The following NR5A2 variants were observed in gnomAD, a reference collection of about 807,000 sequenced individuals.
The protein encoded by NR5A2 is nuclear receptor subfamily 5 group A member 2.
Under a neutral mutation model 62.7 loss-of-function variants are expected in NR5A2, and 26 were observed. That is an observed-to-expected ratio of 0.41 (90% CI 0.30 to 0.58). The LOEUF is 0.58. Ranked by LOEUF, NR5A2 falls within the 20% of genes least tolerant of loss-of-function variation. The pLI, the probability that NR5A2 is intolerant of heterozygous loss-of-function variation, is 0.22. For synonymous variants in NR5A2, 246 were observed against 241.7 expected (o/e 1.02, Z -0.16); for missense variants, 541 against 669.1 (o/e 0.81, Z 2.11).
At chr1:200,098,010 C>A (rs1313450702) in intron 5 of NR5A2, among the ~76,000 whole-genome samples, 1 of 152,092 alleles carries the variant, frequency 6.6e-6, no homozygotes, top group Non-Finnish European at 1.5e-5. Context: ...TTTAACTGGC[C>A]AGGACAAGGA....
chr1:200,111,384 G>A (rs1008604041), intron 6 of NR5A2, 63 bp downstream of exon 6: 100 of 1,540,956 alleles, frequency 6.5e-5, no homozygotes, highest in South Asian at 1.9e-4. Context: ...CAGAATGGCC[G>A]GAATTTAACT....
At chr1:200,085,217 T>C (rs1288306523) in intron 5 of NR5A2, among the ~76,000 whole-genome samples, 1 of 152,216 alleles carries the variant, frequency 6.6e-6, no homozygotes, top group African/African-American at 2.4e-5. Context: ...CATTACCTCT[T>C]TCAGGTATTT....
At chr1:200,057,607 T>C in intron 5 of NR5A2, 1 of 343,118 alleles carries the variant, frequency 2.9e-6, no homozygotes, top group Non-Finnish European at 5.8e-6. Flanking sequence ...GCCTCCCGAG[T>C]AGCTGGGATT....
chr1:200,161,628 A>T (rs1379187155), intron 7 of NR5A2, among the ~76,000 whole-genome samples: 2 of 152,198 alleles, frequency 1.3e-5, no homozygotes, highest in African/African-American at 2.4e-5. Flanking sequence ...ATTGAGCTCA[A>T]TTACTTCAAT....
At chr1:200,160,455 C>T (rs1428924272) in intron 7 of NR5A2, among the ~76,000 whole-genome samples, 1 of 152,148 alleles carries the variant, frequency 6.6e-6, no homozygotes, top group Non-Finnish European at 1.5e-5. Context: ...TCGAGCACTA[C>T]CAAAGCTGAG....
At position 200,147,008 on chromosome 1, in the gene NR5A2, T is replaced by A. The variant is rs1667733980; in HGVS notation, c.1378+26053T>A. Among the ~76,000 whole-genome samples, 1 of 150,996 alleles carries A rather than the reference T, an allele frequency of 6.6e-6. No individual in the cohort carries two copies. Among genetic ancestry groups the A allele is most frequent in the African/African-American group, 2.4e-5 (1 of 40,950 alleles). ...CTTTGTTTTTATTCACTGAAACCAA[T>A]AAAAGAGTTGAACACAGCAAAACTT... On this transcript the variant is annotated intron_variant, in intron 7 of 7. Coordinates refer to ENST00000367362, the MANE Select transcript of NR5A2 (RefSeq NM_205860.3). The surrounding 1 kb of genome is among the most constrained non-coding windows in gnomAD (Gnocchi z 4.9).
intron 5 of NR5A2, among the ~76,000 whole-genome samples, chr1:200,050,950 G>C (rs1662600885): frequency 6.6e-6 from 1 of 152,066 alleles, no homozygotes; most frequent in Admixed American, 6.6e-5. Context: ...AAAATGTGCA[G>C]AATCTACATA....
rs537673450 is a variant in NR5A2 at position 200,147,887 on chromosome 1, C to T, written c.1379-26076C>T. ...TAGGCGCAGTCCCCGGAGCGGTGGC[C>T]GGCGCGCGGGGAGAAGCTGCGGGCT... On this transcript the variant is annotated intron_variant, in intron 7 of 7. Coordinates refer to ENST00000367362, the MANE Select transcript of NR5A2 (RefSeq NM_205860.3). This position sits in a 1 kb window ranked among gnomAD's most constrained non-coding sequence, Gnocchi z 4.9. 2 of 396,844 alleles carry T rather than the reference C, an allele frequency of 5.0e-6. No individual in the cohort carries two copies. The highest frequency in any genetic ancestry group is 9.4e-6 in the Non-Finnish European group (2 of 213,896). The allele number at this position is 396,844 out of a possible 1,614,324, so 24.6% of individuals were successfully genotyped here.
intron 5 of NR5A2, among the ~76,000 whole-genome samples, chr1:200,072,293 T>C (rs1392309835): frequency 6.6e-6 from 1 of 152,196 alleles, no homozygotes; most frequent in African/African-American, 2.4e-5. Context: ...TATTATATAT[T>C]CTAACCATAT....
chr1:200,038,769 AGCTGTAAGACCCG>A (rs1219228331), intron 1 of NR5A2: 8 of 1,359,360 alleles, frequency 5.9e-6, no homozygotes, highest in Non-Finnish European at 7.9e-6. Context: ...GCTTCTGACT[AGCTGTAAGACCCG>A]GCTGCATTTA....
At chr1:200,065,011 C>G (rs897395907) in intron 5 of NR5A2, among the ~76,000 whole-genome samples, 1 of 152,152 alleles carries the variant, frequency 6.6e-6, no homozygotes, top group Non-Finnish European at 1.5e-5. Flanking sequence ...TCTCAAACTC[C>G]TAGGCTCAAG....
chr1:200,061,339 C>T (rs772951640), intron 5 of NR5A2, among the ~76,000 whole-genome samples: 6 of 136,226 alleles, frequency 4.4e-5, no homozygotes, highest in African/African-American at 8.7e-5. Flanking sequence ...AGTGTAATGG[C>T]GTGATCTTGG....
At chr1:200,160,833 T>C (rs1370871137) in intron 7 of NR5A2, among the ~76,000 whole-genome samples, 1 of 151,954 alleles carries the variant, frequency 6.6e-6, no homozygotes, top group East Asian at 1.9e-4. Context: ...TATGATAACG[T>C]TGGTTTATTC....
intron 7 of NR5A2, among the ~76,000 whole-genome samples, chr1:200,133,576 CATATATATACACATAT>C (rs1209106262): frequency 6.7e-5 from 9 of 134,500 alleles, no homozygotes; most frequent in South Asian, 4.7e-4. Context: ...TATATATACA[CATATATATACACATAT>C]ATATATATAC....
intron 5 of NR5A2, among the ~76,000 whole-genome samples, chr1:200,090,281 C>T (rs150458991): frequency 1.4e-3 from 220 of 152,334 alleles, no homozygotes; most frequent in African/African-American, 5.0e-3. Context: ...GTAGTTCCCA[C>T]ACCTTTTGGT....
intron 7 of NR5A2, among the ~76,000 whole-genome samples, chr1:200,170,482 A>C (rs981967827): frequency 3.9e-5 from 6 of 152,246 alleles, no homozygotes; most frequent in Non-Finnish European, 7.3e-5. Flanking sequence ...CAAGTGAACC[A>C]CATAAATGAG....
At chr1:200,168,920 T>A (rs1433854249) in intron 7 of NR5A2, among the ~76,000 whole-genome samples, 1 of 152,220 alleles carries the variant, frequency 6.6e-6, no homozygotes, top group African/African-American at 2.4e-5. Context: ...GGAAAGGGCC[T>A]TCTGAGGGCA....
intron 6 of NR5A2, among the ~76,000 whole-genome samples, chr1:200,114,665 G>A (rs1666133585): frequency 6.6e-6 from 1 of 152,196 alleles, no homozygotes; most frequent in South Asian, 2.1e-4. Context: ...ACAAAAATTA[G>A]AAGTCATCAA....
At chr1:200,145,037 C>T (rs941752696) in intron 7 of NR5A2, among the ~76,000 whole-genome samples, 1 of 152,110 alleles carries the variant, frequency 6.6e-6, no homozygotes, top group East Asian at 1.9e-4. Flanking sequence ...ACTGGGCGGG[C>T]GCAGTGGCTC....
Sources: gnomAD v4.1 joint callset for allele counts (sites outside exome capture counted in the v4.1 genomes callset) on GRCh38, gnomAD v4.1.1 for gene constraint, Gnocchi (gnomAD v3.1) non-coding constraint, MANE v1.5 for transcripts, NCBI Gene and HGNC (gene_info 2026-07-23, HGNC 2026-07-21) for gene names.